DNAH6: variants seen among roughly 807,000 people sequenced by gnomAD.
DNAH6 encodes the protein axonemal beta dynein heavy chain 6.
Under a neutral mutation model 491.4 loss-of-function variants are expected in DNAH6, and 340 were observed. The ratio of observed to expected loss-of-function variants is 0.69; its 90% CI spans 0.63 to 0.76. The LOEUF (loss-of-function observed/expected upper bound fraction) is 0.76. Among genes scored for constraint, DNAH6 ranks in the 30% least tolerant of loss-of-function variants. DNAH6 has a pLI of 0.00. For missense variants in DNAH6, 4,443 were observed against 4,972.2 expected, an observed-to-expected ratio of 0.89 and a Z score of 3.20; for synonymous variants, 1,603 against 1,686.1, an observed-to-expected ratio of 0.95 and a Z score of 1.21.
rs138826923 is a variant in DNAH6, at chr2:84,803,944, C to T, written c.11482-1721C>T. Among the ~76,000 whole-genome samples, 812 of 152,184 alleles carry T rather than the reference C, an allele frequency of 5.3e-3. 8 individuals carry two copies. The highest frequency in any genetic ancestry group is 0.018 in the African/African-American group (757 of 41,526). On this transcript the variant is annotated intron_variant, in intron 70 of 76. Transcript: ENST00000389394. The stretch of plus-strand genomic sequence containing the variant: ...AAGATCAGCTGGGCACAGTGGTTCA[C>T]GCTTGTAATCCCAGCACTTTGAGAG...
chr2:84,668,557 GC>G (rs1327991954), intron 37 of DNAH6, among the ~76,000 whole-genome samples: 2 of 152,078 alleles, frequency 1.3e-5, no homozygotes, highest in East Asian at 3.9e-4. Context: ...TGTATTTCCA[GC>G]CTCATCTCAC....
intron 18 of DNAH6, among the ~76,000 whole-genome samples, chr2:84,601,590 T>C (rs1021546338): frequency 6.6e-5 from 10 of 151,932 alleles, no homozygotes; most frequent in African/African-American, 2.4e-4. Flanking sequence ...TTTTAACTTA[T>C]CTGTGTTTTT....
At chr2:84,737,292 T>C (rs938484094) in intron 62 of DNAH6, among the ~76,000 whole-genome samples, 2 of 152,112 alleles carry the variant, frequency 1.3e-5, no homozygotes, top group Admixed American at 6.5e-5. Flanking sequence ...TGTTTTCTTT[T>C]CTTTTTGTGT....
At chr2:84,594,362 A>G (rs1684385137) in intron 17 of DNAH6, among the ~76,000 whole-genome samples, 1 of 152,152 alleles carries the variant, frequency 6.6e-6, no homozygotes, top group Non-Finnish European at 1.5e-5. Flanking sequence ...TGGTTTCTAA[A>G]CACAATGTTG....
chr2:84,485,142 G>A, the DNAH6 span, among the ~76,000 whole-genome samples: 2 of 152,178 alleles, frequency 1.3e-5, no homozygotes, highest in African/African-American at 4.8e-5. Context: ...AATCTCTAAT[G>A]AAAGGGGAAT....
chr2:84,782,165 T>C (rs560255243), intron 65 of DNAH6, among the ~76,000 whole-genome samples: 2 of 152,302 alleles, frequency 1.3e-5, no homozygotes, highest in African/African-American at 4.8e-5. Context: ...ACTAGTTTTA[T>C]CTCACCACTT....
At chr2:84,710,148 G>C (rs1696891564) in intron 55 of DNAH6, 139 bp from the exon 56 acceptor site, 2 of 1,090,144 alleles carry the variant, frequency 1.8e-6, no homozygotes, top group Non-Finnish European at 2.5e-6. Context: ...TATTGTCGGG[G>C]GACAGGGGAG....
chr2:84,659,207 C>A, intron 37 of DNAH6, 38 bp downstream of exon 37: 1 of 1,132,486 alleles, frequency 8.8e-7, no homozygotes, highest in South Asian at 2.3e-5. Context: ...CATAATAATT[C>A]TGAATTATTT....
chr2:84,818,837 G>A (rs562367175), intron 76 of DNAH6, among the ~76,000 whole-genome samples: 1 of 152,302 alleles, frequency 6.6e-6, no homozygotes, highest in Non-Finnish European at 1.5e-5. Flanking sequence ...ACTTTGGGAG[G>A]CCAAGGCAAG....
At chr2:84,504,313 C>T in the DNAH6 span, among the ~76,000 whole-genome samples, 2 of 152,034 alleles carry the variant, frequency 1.3e-5, no homozygotes, top group African/African-American at 2.4e-5. Context: ...TTCTTTCTCT[C>T]TGTTATCTTG....
At chr2:84,514,207 A>G (rs374091490), upstream of DNAH6, among the ~76,000 whole-genome samples, 17 of 152,314 alleles carry the variant, frequency 1.1e-4, no homozygotes, top group South Asian at 2.1e-3. Flanking sequence ...GAGCCCTGCT[A>G]TACTCCACTA....
chr2:84,781,169 A>G (rs539844803), intron 64 of DNAH6, among the ~76,000 whole-genome samples: 2 of 152,314 alleles, frequency 1.3e-5, no homozygotes, highest in East Asian at 1.9e-4. Context: ...ACCTGTGGGA[A>G]GAAGGAAGGG....
intron 11 of DNAH6, among the ~76,000 whole-genome samples, chr2:84,571,589 A>G (rs1681876084): frequency 6.6e-6 from 1 of 152,116 alleles, no homozygotes; most frequent in Non-Finnish European, 1.5e-5. Context: ...AGGTCATGCA[A>G]GGCAAAGAAA....
chr2:84,756,021 A>C (rs988333979), intron 63 of DNAH6, among the ~76,000 whole-genome samples: 18 of 152,206 alleles, frequency 1.2e-4, no homozygotes, highest in African/African-American at 4.3e-4. Flanking sequence ...TTGCCATGCC[A>C]TGATTGTGAG....
chr2:84,714,681 C>T (rs1697355448), intron 57 of DNAH6, among the ~76,000 whole-genome samples: 1 of 151,766 alleles, frequency 6.6e-6, no homozygotes, highest in African/African-American at 2.4e-5. Flanking sequence ...AGAAGTGTGA[C>T]CAACGTGCCA....
Position 84,595,732 on chromosome 2 carries a change from G to C in DNAH6, c.2811G>C (p.Leu937Phe). 1.3e-6 allele frequency: 2 copies of C among 1,551,268 alleles called. No homozygotes were observed. Among genetic ancestry groups the C allele is most frequent in the Non-Finnish European group, 1.7e-6 (2 of 1,146,850 alleles). The change falls in exon 18 of 77, where the codon TTG becomes TTC. Residue 937 changes from leucine to phenylalanine, a missense_variant. Coordinates refer to ENST00000389394, the MANE Select transcript of DNAH6 (RefSeq NM_001370.2). ...TTGTGACTCAACTGGAAAAAGGCTT[G>C]CCACCCAACAGTGTAGTGCCCCAGC... ...AKFVTQLEKG[L>F]PPNSVVPQLK...
At chr2:84,715,774 C>T in intron 58 of DNAH6, 147 bp downstream of exon 58, 1 of 736,876 alleles carries the variant, frequency 1.4e-6, no homozygotes, top group South Asian at 2.0e-5. Flanking sequence ...AGTAAGTGGC[C>T]AAGTTCTTTA....
At chr2:84,787,119 A>G in intron 67 of DNAH6, 45 bp from the exon 68 acceptor site, 3 of 1,409,606 alleles carry the variant, frequency 2.1e-6, no homozygotes, top group Non-Finnish European at 2.8e-6. Flanking sequence ...CACAAAATTA[A>G]TTTTATCAAA....
chr2:84,796,078 A>G (rs1182130032), intron 68 of DNAH6, among the ~76,000 whole-genome samples: 1 of 152,226 alleles, frequency 6.6e-6, no homozygotes, highest in Admixed American at 6.5e-5. Flanking sequence ...TCTGAAAACT[A>G]AAACAGCAAA....
Sources: allele counts gnomAD v4.1 joint callset (sites outside exome capture counted in the v4.1 genomes callset), GRCh38; gene constraint gnomAD v4.1.1; transcripts MANE v1.5; gene names NCBI Gene and HGNC (gene_info 2026-07-23, HGNC 2026-07-21).